ZPBP: variants seen among roughly 807,000 people sequenced by gnomAD.
The protein encoded by ZPBP is zona pellucida-binding protein 1.
ZPBP carries 26 observed loss-of-function variants against 44.8 expected under a neutral mutation model. That is an observed-to-expected ratio of 0.58 (90% CI 0.43 to 0.81). The LOEUF (loss-of-function observed/expected upper bound fraction) is 0.81, where lower values mean the gene tolerates loss of function less well. Ranked by LOEUF, ZPBP falls within the 30% of genes least tolerant of loss-of-function variation. The pLI is 0.00. For missense variants in ZPBP, 409 were observed against 434.0 expected, an observed-to-expected ratio of 0.94 and a Z score of 0.51; for synonymous variants, 174 against 153.2, an observed-to-expected ratio of 1.14 and a Z score of -1.00.
At position 49,987,728 on chromosome 7, in the gene ZPBP, TTGTGTGTGTGTGTGTGTGTGTGTGTGTG is replaced by T. The variant is rs55971066; in HGVS notation, c.784-4237_784-4210del. ...GCCTTTCTGTGTAGTTATATATGTGTTGTGTGTGTGTGTGTGTGTGTGTGTGTGTGTGTGTGTGTGTGTGCAATGTCTA... is the reference window on the plus strand; with the variant it reads ...GCCTTTCTGTGTAGTTATATATGTGTTGTGTGTGTGTGTGTGCAATGTCTA... On this transcript the variant is annotated intron_variant, in intron 6 of 7. Transcript: ENST00000046087. Among the ~76,000 whole-genome samples, 14 of 145,656 alleles carry T rather than the reference TTGTGTGTGTGTGTGTGTGTGTGTGTGTG, an allele frequency of 9.6e-5. No homozygotes were observed. The East Asian group carries it at 2.4e-3, about 25-fold the overall frequency.
intron 6 of ZPBP, among the ~76,000 whole-genome samples, chr7:49,986,209 T>C (rs1190578615): frequency 6.6e-6 from 1 of 152,212 alleles, no homozygotes; most frequent in Non-Finnish European, 1.5e-5. Flanking sequence ...CTTGGACTTC[T>C]GAGAGTAGAA....
intron 2 of ZPBP, among the ~76,000 whole-genome samples, chr7:49,897,423 A>C (rs1442946639): frequency 6.6e-6 from 1 of 152,222 alleles, no homozygotes; most frequent in African/African-American, 2.4e-5. Flanking sequence ...ACATCAATAC[A>C]GAAGAAGAAT....
intron 7 of ZPBP, among the ~76,000 whole-genome samples, chr7:49,962,162 C>A (rs1009936959): frequency 4.1e-4 from 63 of 151,890 alleles, no homozygotes; most frequent in African/African-American, 1.3e-3. Context: ...AACAGCAGTG[C>A]CCTAATACTA....
chr7:49,894,885 C>T (rs1309729145), intron 2 of ZPBP, among the ~76,000 whole-genome samples: 1 of 152,228 alleles, frequency 6.6e-6, no homozygotes, highest in African/African-American at 2.4e-5. Flanking sequence ...ACTAGGGCAG[C>T]AGTAGGCGCC....
At chr7:50,080,554 C>T (rs1508413) in intron 3 of ZPBP, among the ~76,000 whole-genome samples, 125,761 of 151,632 alleles carry the variant, frequency 0.83, 52,191 homozygotes, top group East Asian at 0.88. Context: ...CCAAATCAAA[C>T]GAGCAAAAAA....
At chr7:49,853,979 C>G (rs2128717645) in intron 2 of ZPBP, among the ~76,000 whole-genome samples, 1 of 151,480 alleles carries the variant, frequency 6.6e-6, no homozygotes, top group South Asian at 2.1e-4. Flanking sequence ...GTTTTCTGTC[C>G]CTGCGATAGT....
chr7:50,051,564 G>A lies in ZPBP; in HGVS notation c.487+6425C>T, dbSNP rs143701348. On this transcript the variant is annotated intron_variant, in intron 4 of 7. Transcript: ENST00000046087. Reference sequence around the variant, plus strand: ...GGAAAGACATGGAATCAACCCAAACGCCCATCAGTGATAGACTGGATAAAG... The same window carrying A: ...GGAAAGACATGGAATCAACCCAAACACCCATCAGTGATAGACTGGATAAAG... 1.8e-3 allele frequency among the ~76,000 whole-genome samples: 269 copies of A among 152,110 alleles called. 3 individuals are homozygous for A. Among genetic ancestry groups the A allele is most frequent in the African/African-American group, 6.0e-3 (250 of 41,484 alleles).
Position 50,076,202 on chromosome 7 carries a change from T to A in ZPBP, c.334+5572A>T, listed in dbSNP as rs181245493. Among the ~76,000 whole-genome samples, 25 of 152,038 alleles carry A rather than the reference T, an allele frequency of 1.6e-4. No homozygotes were observed. The East Asian group carries it at 4.4e-3, about 27-fold the overall frequency. ...CTTCAAAATTGATGCTGAAAAAGCA[T>A]TTGATAAAATTCAACATCCCTTCAT... On this transcript the variant is annotated intron_variant, in intron 3 of 7. Transcript: ENST00000046087.
downstream of ZPBP, chr7:49,936,304 T>G (rs1024276075): frequency 3.9e-5 from 6 of 152,230 alleles, no homozygotes; most frequent in African/African-American, 1.4e-4. Flanking sequence ...CCAAGGAATT[T>G]TTTTAGAAAA....
Position 50,058,488 on chromosome 7 carries a change from C to G in ZPBP, c.335-347G>C, listed in dbSNP as rs917460314. Among the ~76,000 whole-genome samples, 3 of 152,166 alleles carry G rather than the reference C, an allele frequency of 2.0e-5. No homozygotes were observed. In the East Asian group the frequency reaches 5.8e-4, roughly 29 times the overall value. On this transcript the variant is annotated intron_variant, in intron 3 of 7. Coordinates refer to ENST00000046087, the MANE Select transcript of ZPBP (RefSeq NM_007009.3). ...ACAAATACATACACATACATATATACATATACTTTAACGTAATTATATTTA... is the reference window on the plus strand; with the variant it reads ...ACAAATACATACACATACATATATAGATATACTTTAACGTAATTATATTTA...
intron 2 of ZPBP, among the ~76,000 whole-genome samples, chr7:49,857,602 T>A (rs191723728): frequency 6.6e-6 from 1 of 152,056 alleles, no homozygotes; most frequent in East Asian, 1.9e-4. Context: ...CCGTGAGACA[T>A]TACCTCACAA....
intron 5 of ZPBP, among the ~76,000 whole-genome samples, chr7:50,023,041 T>G (rs1163266386): frequency 6.6e-6 from 1 of 151,990 alleles, no homozygotes; most frequent in East Asian, 1.9e-4. Flanking sequence ...AGTAACCACT[T>G]AGAAGTAAAC....
At chr7:49,948,944 C>G (rs1255327990) in intron 7 of ZPBP, among the ~76,000 whole-genome samples, 1 of 152,084 alleles carries the variant, frequency 6.6e-6, no homozygotes, top group Non-Finnish European at 1.5e-5. Flanking sequence ...TGTGTCCCTC[C>G]AAATTGATAT....
At chr7:50,050,773 A>G (rs572918366) in intron 4 of ZPBP, among the ~76,000 whole-genome samples, 1 of 127,728 alleles carries the variant, frequency 7.8e-6, no homozygotes, top group Non-Finnish European at 1.6e-5. Flanking sequence ...TGGACGACAG[A>G]GCGAGACTCC....
chr7:50,086,011 C>T (rs966960870), intron 2 of ZPBP, among the ~76,000 whole-genome samples: 10 of 152,056 alleles, frequency 6.6e-5, no homozygotes, highest in African/African-American at 2.2e-4. Flanking sequence ...CTGAAAGGTA[C>T]GTCACAACGT....
At chr7:50,017,265 TC>T (rs1798856706) in intron 6 of ZPBP, among the ~76,000 whole-genome samples, 1 of 152,128 alleles carries the variant, frequency 6.6e-6, no homozygotes, top group East Asian at 1.9e-4. Context: ...GAATACACAA[TC>T]TAGATCCCTC....
Position 49,983,466 on chromosome 7 carries a change from T to C in ZPBP, c.837A>G (p.Arg279=). 1.9e-6 allele frequency: 3 copies of C among 1,611,218 alleles called. No individual in the cohort carries two copies. Among genetic ancestry groups the C allele is most frequent in the Middle Eastern group, 1.7e-4 (1 of 6,044 alleles). The change falls in exon 7 of 8, where the codon AGA becomes AGG. Residue 279 remains arginine (R), a synonymous_variant. Transcript: ENST00000046087. Reference sequence around the variant, plus strand: ...ATATTTGAGGTAATTGTTCTGCACGTCTGCCAAGAATTTCTACTTGTTGAT... The same window carrying C: ...ATATTTGAGGTAATTGTTCTGCACGCCTGCCAAGAATTTCTACTTGTTGAT... ...FFNQQVEILG[R]RAEQLPQIYY...
intron 2 of ZPBP, among the ~76,000 whole-genome samples, chr7:49,883,366 T>G (rs1326480367): frequency 1.3e-5 from 2 of 152,118 alleles, no homozygotes; most frequent in African/African-American, 4.8e-5. Context: ...AAAAATGGCT[T>G]CGTCTGAAAT....
chr7:50,059,596 C>T (rs1213145461), intron 3 of ZPBP, among the ~76,000 whole-genome samples: 4 of 152,010 alleles, frequency 2.6e-5, no homozygotes, highest in South Asian at 2.1e-4. Context: ...GCAGAAACAC[C>T]TCGTAGAGAT....
Sources: allele counts gnomAD v4.1 joint callset (sites outside exome capture counted in the v4.1 genomes callset), GRCh38; gene constraint gnomAD v4.1.1; transcripts MANE v1.5; gene names NCBI Gene and HGNC (gene_info 2026-07-23, HGNC 2026-07-21).